BCL11A: variants seen among roughly 807,000 people sequenced by gnomAD.
The protein encoded by BCL11A is BCL11 transcription factor A.
In BCL11A, 2 loss-of-function variants were observed where a neutral mutation model predicts 55.9. The ratio of observed to expected loss-of-function variants is 0.04; its 90% CI spans 0.01 to 0.11. BCL11A has a LOEUF of 0.11. Ranked by LOEUF, BCL11A falls within the 10% of genes least tolerant of loss-of-function variation. BCL11A has a pLI of 1.00. For missense variants in BCL11A, 817 were observed against 1,137.1 expected, an observed-to-expected ratio of 0.72 and a Z score of 4.05; for synonymous variants, 465 against 473.4, an observed-to-expected ratio of 0.98 and a Z score of 0.23.
In BCL11A at chr2:60,539,093, G is replaced by A. The variant is rs78659509; in HGVS notation, c.385+6878C>T. On this transcript the variant is annotated intron_variant, in intron 2 of 3. Coordinates refer to ENST00000642384, the MANE Select transcript of BCL11A (RefSeq NM_022893.4). ...AAGAATGGAAACTGTGGCATATCGA[G>A]CATTTTTCCATTGCTGTCTTTCACA... Among the ~76,000 whole-genome samples, 59 of 152,286 alleles carry A rather than the reference G, an allele frequency of 3.9e-4. 1 individual carries two copies. The East Asian group carries it at 0.011, about 28-fold the overall frequency.
At chr2:60,501,311 G>T (rs558013212) in intron 2 of BCL11A, among the ~76,000 whole-genome samples, 1 of 152,244 alleles carries the variant, frequency 6.6e-6, no homozygotes, top group Non-Finnish European at 1.5e-5. Flanking sequence ...TCACAGTCCA[G>T]TGGCTCTGTC....
chr2:60,503,397 G>A (rs1460842048), intron 2 of BCL11A, among the ~76,000 whole-genome samples: 1 of 152,200 alleles, frequency 6.6e-6, no homozygotes, highest in Non-Finnish European at 1.5e-5. Flanking sequence ...AGGCATTCCA[G>A]GAGCCAGACA....
At chr2:60,540,562 A>G (rs1018285307) in intron 2 of BCL11A, among the ~76,000 whole-genome samples, 61 of 152,188 alleles carry the variant, frequency 4.0e-4, no homozygotes, top group Non-Finnish European at 6.2e-4. Flanking sequence ...CTCCTTTATT[A>G]AACATTTTCA....
chr2:60,545,894 C>G, intron 2 of BCL11A, 77 bp downstream of exon 2: 4 of 1,274,694 alleles, frequency 3.1e-6, no homozygotes, highest in Non-Finnish European at 4.5e-6. Flanking sequence ...CTTCACAACT[C>G]CTTACTGCTT....
intron 2 of BCL11A, among the ~76,000 whole-genome samples, chr2:60,483,588 C>G (rs1388100030): frequency 6.6e-6 from 1 of 152,244 alleles, no homozygotes; most frequent in Non-Finnish European, 1.5e-5. Flanking sequence ...AACTCAGACC[C>G]TGTGGAATGC....
intron 2 of BCL11A, among the ~76,000 whole-genome samples, chr2:60,517,891 G>A (rs572953347): frequency 2.7e-5 from 4 of 149,142 alleles, no homozygotes; most frequent in African/African-American, 1.0e-4. Flanking sequence ...AAAGAGCTGT[G>A]CTTTCTTCTA....
At chr2:60,509,241 A>G (rs777875521) in intron 2 of BCL11A, among the ~76,000 whole-genome samples, 3 of 152,174 alleles carry the variant, frequency 2.0e-5, no homozygotes, top group African/African-American at 4.8e-5. Flanking sequence ...GAATTTTTTT[A>G]CTTTTCCATT....
chr2:60,517,662 G>C (rs527794203), intron 2 of BCL11A, among the ~76,000 whole-genome samples: 107 of 152,352 alleles, frequency 7.0e-4, no homozygotes, highest in African/African-American at 2.4e-3. Context: ...TGTGCGATTG[G>C]TACAGTCAGC....
intron 2 of BCL11A, among the ~76,000 whole-genome samples, chr2:60,504,595 A>T (rs779770181): frequency 6.6e-6 from 1 of 152,204 alleles, no homozygotes; most frequent in African/African-American, 2.4e-5. Context: ...GAGTCTGCTG[A>T]AACAGCCAAC....
chr2:60,493,517 C>T (rs1174282506), intron 2 of BCL11A, among the ~76,000 whole-genome samples: 1 of 152,108 alleles, frequency 6.6e-6, no homozygotes, highest in Non-Finnish European at 1.5e-5. Context: ...GAAACCTCTC[C>T]ACTACACTAA....
intron 1 of BCL11A, among the ~76,000 whole-genome samples, chr2:60,548,117 A>C (rs1670233566): frequency 6.6e-6 from 1 of 152,208 alleles, no homozygotes; most frequent in South Asian, 2.1e-4. Flanking sequence ...ATTTTGACCA[A>C]GTGAGGAATA....
At chr2:60,467,762 GTGGTGGTGGAGATGGTGGTGTTGA>G (rs1676877052) in intron 3 of BCL11A, among the ~76,000 whole-genome samples, 1 of 99,428 alleles carries the variant, frequency 1.0e-5, no homozygotes, top group East Asian at 2.9e-4. Flanking sequence ...GGTGGTAATG[GTGGTGGTGGAGATGGTGGTGTTGA>G]TGGTGATGGT....
At chr2:60,473,880 A>AT (rs986236632) in intron 2 of BCL11A, among the ~76,000 whole-genome samples, 3 of 151,998 alleles carry the variant, frequency 2.0e-5, no homozygotes, top group Admixed American at 1.3e-4. Context: ...TTACATGTGC[A>AT]TTTTTTTTCC....
chr2:60,506,770 T>C (rs1679621730), intron 2 of BCL11A, among the ~76,000 whole-genome samples: 1 of 152,230 alleles, frequency 6.6e-6, no homozygotes, highest in Non-Finnish European at 1.5e-5. Flanking sequence ...TCAAATAATG[T>C]CTATAATGCT....
At chr2:60,455,853 TTCTA>T (rs1352363151), downstream of BCL11A, among the ~76,000 whole-genome samples, 4 of 152,160 alleles carry the variant, frequency 2.6e-5, no homozygotes, top group Admixed American at 6.5e-5. Context: ...GGGGAATTAT[TTCTA>T]TCTGTCTTGA....
At position 60,460,941 on chromosome 2, in the gene BCL11A, C is replaced by G; in HGVS notation, c.1971G>C (p.Ser657=). 2.5e-6 allele frequency: 4 copies of G among 1,613,082 alleles called. No homozygotes were observed. Among genetic ancestry groups the G allele is most frequent in the Non-Finnish European group, 3.4e-6 (4 of 1,179,932 alleles). ...AGGCCGCGTAGCCGGCGAGCCACTGCGAGTACACGTTCTCCGTGTTGGGCA... is the reference window on the plus strand; with the variant it reads ...AGGCCGCGTAGCCGGCGAGCCACTGGGAGTACACGTTCTCCGTGTTGGGCA... ...AAMPNTENVY[S]QWLAGYAASR... Residue 657 remains serine (S), a synonymous_variant, in exon 4 of 4, where the codon TCG becomes TCC. Transcript: ENST00000642384.
intron 3 of BCL11A, among the ~76,000 whole-genome samples, chr2:60,467,348 A>C (rs1258498231): frequency 3.9e-5 from 1 of 25,794 alleles, no homozygotes; most frequent in Non-Finnish European, 8.3e-5. Flanking sequence ...GGTGGTGGTA[A>C]TGGTGGTGGT....
intron 2 of BCL11A, chr2:60,537,804 G>C (rs1049100920): frequency 6.6e-6 from 1 of 152,202 alleles, no homozygotes; most frequent in African/African-American, 2.4e-5. Flanking sequence ...AAATAGAAAG[G>C]CGAGGTAGGT....
chr2:60,471,004 C>G (rs1281284558), intron 2 of BCL11A, among the ~76,000 whole-genome samples: 1 of 152,188 alleles, frequency 6.6e-6, no homozygotes, highest in African/African-American at 2.4e-5. Flanking sequence ...GAATTTGTCT[C>G]TTCCCCCCTG....
Sources: gnomAD v4.1 joint callset for allele counts (sites outside exome capture counted in the v4.1 genomes callset) on GRCh38, gnomAD v4.1.1 for gene constraint, MANE v1.5 for transcripts, NCBI Gene and HGNC (gene_info 2026-07-23, HGNC 2026-07-21) for gene names.